Variants in PPFIA3 observed in about 807,000 individuals in gnomAD.
PPFIA3 encodes the protein PPFI scaffold protein A3.
PPFIA3 carries 26 observed loss-of-function variants against 145.8 expected under a neutral mutation model. That is an observed-to-expected ratio of 0.18 (90% CI 0.13 to 0.25). The LOEUF is 0.25. PPFIA3 is among the 10% of genes least tolerant of loss of function. The pLI is 1.00. For missense variants in PPFIA3, 1,008 were observed against 1,587.8 expected (o/e 0.63, Z 6.21); for synonymous variants, 645 against 661.4 (o/e 0.98, Z 0.38).
chr19:49,136,555 G>A (rs1313479385), intron 14 of PPFIA3, among the ~76,000 whole-genome samples, 169 bp from the exon 15 acceptor site: 1 of 152,122 alleles, frequency 6.6e-6, no homozygotes, highest in African/African-American at 2.4e-5. Context: ...CTCCAGCCTG[G>A]GCGACAGAAT....
chr19:49,121,808 T>G (rs963197754), intron 1 of PPFIA3, among the ~76,000 whole-genome samples: 1 of 152,074 alleles, frequency 6.6e-6, no homozygotes, highest in Non-Finnish European at 1.5e-5. Flanking sequence ...ATTTATTTAT[T>G]TATTTTTTGT....
chr19:49,143,403 G>A (rs2041247057), intron 21 of PPFIA3, among the ~76,000 whole-genome samples: 1 of 151,478 alleles, frequency 6.6e-6, no homozygotes, highest in African/African-American at 2.4e-5. Flanking sequence ...ACAGAGTTTC[G>A]CTCTTGTTGT....
chr19:49,150,964 C>A lies in PPFIA3; in HGVS notation c.*742C>A. On this transcript the variant is annotated 3_prime_UTR_variant, in exon 30 of 30. Transcript: ENST00000334186. Reference sequence around the variant, plus strand: ...TGGGGGAGCCCTCGCCCCCGACTCTCGGTCGGCCTCCCCGCCCCAGGCGTC... The same window carrying A: ...TGGGGGAGCCCTCGCCCCCGACTCTAGGTCGGCCTCCCCGCCCCAGGCGTC... The A allele has an allele frequency of 4.0e-6, 1 of 248,798 alleles. No individual in the cohort carries two copies. The allele number at this position is 248,798 out of a possible 1,614,324, so 15.4% of individuals were successfully genotyped here. A position where few individuals can be genotyped will look rare whatever the true frequency, so the allele number is the denominator to read the frequency against.
intron 1 of PPFIA3, among the ~76,000 whole-genome samples, chr19:49,127,403 A>G (rs2041014302): frequency 1.3e-5 from 2 of 150,196 alleles, no homozygotes; most frequent in Non-Finnish European, 3.0e-5. Flanking sequence ...AAAAAAAAAA[A>G]AAAAGAAAGT....
At position 49,133,843 on chromosome 19, in the gene PPFIA3, G is replaced by C. The variant is rs755947449; in HGVS notation, c.1209G>C (p.Glu403Asp). Residue 403 changes from glutamate to aspartate, a missense_variant, in exon 10 of 30, where the codon GAG (glutamate) becomes GAC (aspartate). Transcript: ENST00000334186. The surrounding 1 kb of genome is among the most constrained non-coding windows in gnomAD (Gnocchi z 7.2). ...TTGAGGAGCGGCTTCGGCAGCTGGA[G>C]GCCCAGCTGGAAGAGAAGAATCAAG... ...GNFEERLRQL[E>D]AQLEEKNQEL... 1.9e-6 allele frequency: 3 copies of C among 1,613,152 alleles called. No individual in the cohort carries two copies. In the African/African-American group the frequency reaches 4.0e-5, roughly 22 times the overall value.
chr19:49,124,071 G>A (rs572396077), intron 1 of PPFIA3, among the ~76,000 whole-genome samples: 8 of 139,140 alleles, frequency 5.7e-5, no homozygotes, highest in South Asian at 2.6e-4. Flanking sequence ...CCCCCTCCCC[G>A]CCCTATAGAC....
chr19:49,142,414 T>C (rs189212615), intron 20 of PPFIA3, among the ~76,000 whole-genome samples: 2 of 152,212 alleles, frequency 1.3e-5, no homozygotes, highest in African/African-American at 4.8e-5. Context: ...ACCATTCCCA[T>C]CTCTGACCAC....
intron 20 of PPFIA3, among the ~76,000 whole-genome samples, chr19:49,142,434 A>G (rs780800406): frequency 2.0e-5 from 3 of 151,048 alleles, no homozygotes; most frequent in Non-Finnish European, 4.4e-5. Flanking sequence ...CGCTTTTGTC[A>G]TTCCCCATAT....
Position 49,130,552 on chromosome 19 carries a change from G to A in PPFIA3, c.832G>A (p.Gly278Ser). ...EELGTAHREL[G>S]KAEEANSKLQ... Reference sequence around the variant, plus strand: ...GTTGGGCACCGCGCACCGTGAGCTGGGCAAGGCAGAGGAAGCCAACTCCAA... The same window carrying A: ...GTTGGGCACCGCGCACCGTGAGCTGAGCAAGGCAGAGGAAGCCAACTCCAA... Residue 278 changes from glycine to serine, a missense_variant, in exon 7 of 30, where the codon GGC becomes AGC. Transcript: ENST00000334186. The surrounding 1 kb of genome is among the most constrained non-coding windows in gnomAD (Gnocchi z 4.5). 2 of 1,572,184 alleles carry A rather than the reference G, an allele frequency of 1.3e-6. No homozygotes were observed. The highest frequency in any genetic ancestry group is 1.7e-6 in the Non-Finnish European group (2 of 1,159,766).
At chr19:49,142,384 C>T (rs528828415) in intron 20 of PPFIA3, among the ~76,000 whole-genome samples, 1 of 152,218 alleles carries the variant, frequency 6.6e-6, no homozygotes, top group East Asian at 1.9e-4. Flanking sequence ...TTTCTGGATT[C>T]TCTGTCTCTA....
chr19:49,149,201 C>T lies in PPFIA3; in HGVS notation c.3285+33C>T, dbSNP rs959691858. Reference sequence around the variant, plus strand: ...GCCGCTGGGCCCGGAGCATGCTGGGCGTCCCCACCTCGCAGACTGCACGCT... The same window carrying T: ...GCCGCTGGGCCCGGAGCATGCTGGGTGTCCCCACCTCGCAGACTGCACGCT... On this transcript the variant is annotated intron_variant, in intron 26 of 29. Coordinates refer to ENST00000334186, the MANE Select transcript of PPFIA3 (RefSeq NM_003660.4). This position sits in a 1 kb window ranked among gnomAD's most constrained non-coding sequence, Gnocchi z 5.7. 2 of 1,613,758 alleles carry T rather than the reference C, an allele frequency of 1.2e-6. No individual in the cohort carries two copies. Among genetic ancestry groups the T allele is most frequent in the African/African-American group, 1.3e-5 (1 of 75,054 alleles).
rs2041325421 is a variant in PPFIA3, at chr19:49,149,905, G to C, written c.3527-175G>C. The stretch of plus-strand genomic sequence containing the variant: ...AAATCCCACTCCCCCTTCCCAGGGC[G>C]GGAGTGAACTCGCCCAATGCGAGTT... On this transcript the variant is annotated intron_variant, in intron 28 of 29. Coordinates refer to ENST00000334186, the MANE Select transcript of PPFIA3 (RefSeq NM_003660.4). The surrounding 1 kb of genome is among the most constrained non-coding windows in gnomAD (Gnocchi z 5.7). 9.0e-7 allele frequency: 1 copy of C among 1,114,796 alleles called. No homozygotes were observed. The highest frequency in any genetic ancestry group is 1.3e-6 in the Non-Finnish European group (1 of 792,606). The allele number at this position is 1,114,796 out of a possible 1,614,324, so 69.1% of individuals were successfully genotyped here.
chr19:49,126,615 G>A (rs1228118417), intron 1 of PPFIA3, among the ~76,000 whole-genome samples: 1 of 145,616 alleles, frequency 6.9e-6, no homozygotes, highest in Non-Finnish European at 1.5e-5. Flanking sequence ...TAGATTCTTA[G>A]GGAGCCGGGG....
Position 49,128,274 on chromosome 19 carries a change from G to A in PPFIA3, c.241-93G>A. ...GCAAGGGACAGCGGGACTTAGCAGG[G>A]AGGGCGGGACCTTCAAACTTCCAGT... On this transcript the variant is annotated intron_variant, in intron 2 of 29. Transcript: ENST00000334186. The surrounding 1 kb of genome is among the most constrained non-coding windows in gnomAD (Gnocchi z 4.1). 1 of 1,521,542 alleles carries A rather than the reference G, an allele frequency of 6.6e-7. No individual in the cohort carries two copies. Among genetic ancestry groups the A allele is most frequent in the Non-Finnish European group, 9.1e-7 (1 of 1,099,966 alleles). The allele number at this position is 1,521,542 out of a possible 1,614,324, so 94.3% of individuals were successfully genotyped here.
rs2040927680 is a variant in PPFIA3 at position 49,120,745 on chromosome 19, G to C, written c.-16+1023G>C. Among the ~76,000 whole-genome samples, 2 of 152,124 alleles carry C rather than the reference G, an allele frequency of 1.3e-5. No homozygotes were observed. The highest frequency in any genetic ancestry group is 4.1e-4 in the South Asian group (2 of 4,836). ...CTGACTTCTGTTCACACTCCCACTT[G>C]GGGACCTAAATGTCTTGGTCCCAGT... On this transcript the variant is annotated intron_variant, in intron 1 of 29. Coordinates refer to ENST00000334186, the MANE Select transcript of PPFIA3 (RefSeq NM_003660.4). The surrounding 1 kb of genome is among the most constrained non-coding windows in gnomAD (Gnocchi z 4.6).
At chr19:49,144,583 G>C (rs554436739) in intron 21 of PPFIA3, among the ~76,000 whole-genome samples, 3 of 151,982 alleles carry the variant, frequency 2.0e-5, no homozygotes, top group African/African-American at 4.8e-5. Context: ...GTGTGGTGGC[G>C]TATACCTGTA....
At chr19:49,139,915 G>C (rs1352426914) in intron 17 of PPFIA3, 46 bp from the exon 18 acceptor site, 6 of 1,613,560 alleles carry the variant, frequency 3.7e-6, no homozygotes, top group Non-Finnish European at 5.1e-6. Context: ...GGAGGAGAGG[G>C]GGCATCTCAG....
chr19:49,128,836 G>C lies in PPFIA3; in HGVS notation c.343-12G>C, dbSNP rs755891945. 2.6e-5 allele frequency: 41 copies of C among 1,583,454 alleles called. No individual in the cohort carries two copies. The highest frequency in any genetic ancestry group is 3.3e-5 in the Non-Finnish European group (39 of 1,164,322). ...TGCCTCTTTTCCTTGACCCCATGCCGTGTGCTTGCAGCTGCTCCTGGAACA... is the reference window on the plus strand; with the variant it reads ...TGCCTCTTTTCCTTGACCCCATGCCCTGTGCTTGCAGCTGCTCCTGGAACA... On this transcript the variant is annotated splice_polypyrimidine_tract_variant and intron_variant, in intron 3 of 29. Coordinates refer to ENST00000334186, the MANE Select transcript of PPFIA3 (RefSeq NM_003660.4). This position sits in a 1 kb window ranked among gnomAD's most constrained non-coding sequence, Gnocchi z 4.1.
chr19:49,131,748 C>T (rs917622452), intron 7 of PPFIA3, among the ~76,000 whole-genome samples: 2 of 151,284 alleles, frequency 1.3e-5, no homozygotes, highest in African/African-American at 2.4e-5. Context: ...CGGTGGTTCA[C>T]GCCTGTAATC....
Sources: allele counts gnomAD v4.1 joint callset (sites outside exome capture counted in the v4.1 genomes callset), GRCh38; gene constraint gnomAD v4.1.1; non-coding constraint Gnocchi (gnomAD v3.1); transcripts MANE v1.5; gene names NCBI Gene and HGNC (gene_info 2026-07-23, HGNC 2026-07-21).